UGT2B17: variants seen among roughly 807,000 people sequenced by gnomAD.
UGT2B17 encodes the protein UDP-glucuronosyltransferase 2B17.
In UGT2B17, 21 loss-of-function variants were observed where a neutral mutation model predicts 48.2. The observed-to-expected ratio is 0.44, with a 90% CI of 0.31 to 0.63. The LOEUF (loss-of-function observed/expected upper bound fraction) is 0.63. Ranked by LOEUF, UGT2B17 falls within the 20% of genes least tolerant of loss-of-function variation. The pLI is 0.08. For synonymous variants in UGT2B17, 146 were observed against 238.4 expected (o/e 0.61, Z 3.57); for missense variants, 402 against 696.1 (o/e 0.58, Z 4.75).
chr4:68,573,017 G>T (rs1209112699), intron 1 of UGT2B17, among the ~76,000 whole-genome samples: 1 of 127,278 alleles, frequency 7.9e-6, no homozygotes, highest in African/African-American at 2.7e-5. Context: ...GTTATGTGGG[G>T]ATTTTCACAA....
chr4:68,568,921 G>A (rs139123552), intron 1 of UGT2B17, among the ~76,000 whole-genome samples: 9,179 of 133,382 alleles, frequency 0.069, 721 homozygotes, highest in East Asian at 0.35. Context: ...TATATTCACA[G>A]AATTTTACTT....
chr4:68,565,097 T>C (rs141826156), intron 3 of UGT2B17, among the ~76,000 whole-genome samples: 5,594 of 125,870 alleles, frequency 0.044, 1,233 homozygotes, highest in African/African-American at 0.14. Context: ...GTCAATGAGT[T>C]TGGGATCTCT....
chr4:68,541,019 C>T (rs1177084802), intron 6 of UGT2B17, among the ~76,000 whole-genome samples: 1 of 125,434 alleles, frequency 8.0e-6, no homozygotes, highest in African/African-American at 2.7e-5. Context: ...ACTGTACATG[C>T]ATCATATTTT....
chr4:68,548,138 A>C (rs7655710), intron 6 of UGT2B17, among the ~76,000 whole-genome samples: 11,334 of 126,046 alleles, frequency 0.09, 3,168 homozygotes, highest in East Asian at 0.3. Flanking sequence ...ATGTTTATGG[A>C]GGCACTATTC....
chr4:68,538,941 T>G lies in UGT2B17; in HGVS notation c.1314-1037A>C, dbSNP rs1380478850. On this transcript the variant is annotated intron_variant, in intron 6 of 6. Coordinates refer to ENST00000317746, the MANE Select transcript of UGT2B17 (RefSeq NM_001077.4). ...CTTGCAACTACTTGAGGTTTGCTTCTATTTCTTTTTGAGGCTTCCCCTTAA... is the reference window on the plus strand; with the variant it reads ...CTTGCAACTACTTGAGGTTTGCTTCGATTTCTTTTTGAGGCTTCCCCTTAA... Among the ~76,000 whole-genome samples the G allele has an allele frequency of 1.6e-5, 2 of 126,168 alleles. 1 individual carries two copies. The highest frequency in any genetic ancestry group is 3.4e-5 in the Non-Finnish European group (2 of 59,652). 82.8% of individuals were successfully genotyped at this position (126,168 alleles called of 152,430 possible). A position where few individuals can be genotyped will look rare whatever the true frequency, so the allele number is the denominator to read the frequency against.
At chr4:68,555,398 C>A (rs1320814656) in intron 4 of UGT2B17, among the ~76,000 whole-genome samples, 1 of 126,104 alleles carries the variant, frequency 7.9e-6, no homozygotes, top group African/African-American at 2.7e-5. Context: ...GCAATCTAGT[C>A]CACAGGCATT....
rs1179535391 is a variant in UGT2B17, at chr4:68,539,402, A to C, written c.1314-1498T>G. Reference sequence around the variant, plus strand: ...TATTCAGTTGATTGACAAAGACCACAGATCTCTTCATTTATGATTAATGGA... The same window carrying C: ...TATTCAGTTGATTGACAAAGACCACCGATCTCTTCATTTATGATTAATGGA... On this transcript the variant is annotated intron_variant, in intron 6 of 6. Coordinates refer to ENST00000317746, the MANE Select transcript of UGT2B17 (RefSeq NM_001077.4). 1.6e-5 allele frequency among the ~76,000 whole-genome samples: 2 copies of C among 125,586 alleles called. 1 individual carries two copies. The highest frequency in any genetic ancestry group is 3.4e-5 in the Non-Finnish European group (2 of 59,578). The allele number at this position is 125,586 out of a possible 152,430, so 82.4% of individuals were successfully genotyped here. A position where few individuals can be genotyped will look rare whatever the true frequency, so the allele number is the denominator to read the frequency against.
Position 68,565,552 on chromosome 4 carries a change from T to C in UGT2B17, c.873+20A>G, listed in dbSNP as rs756244702. On this transcript the variant is annotated intron_variant, in intron 3 of 6. Transcript: ENST00000317746. The stretch of plus-strand genomic sequence containing the variant: ...CTTCTGAAAATGTCAAGCAAACAAA[T>C]GAAACAAGAATATGTTCACCTTAGG... 3.0e-6 allele frequency: 4 copies of C among 1,350,162 alleles called. 1 individual carries two copies. Among genetic ancestry groups the C allele is most frequent in the Non-Finnish European group, 3.8e-6 (4 of 1,041,512 alleles). The allele number at this position is 1,350,162 out of a possible 1,614,324, so 83.6% of individuals were successfully genotyped here. A position where few individuals can be genotyped will look rare whatever the true frequency, so the allele number is the denominator to read the frequency against.
rs184250635 is a variant in UGT2B17 at position 68,567,553 on chromosome 4, G to C, written c.724+208C>G. ...TACATTGAAGGTTTATGACTCTCTT[G>C]GTGTCCTATAGCAGTGATGGCACCA... On this transcript the variant is annotated intron_variant, in intron 2 of 6. Coordinates refer to ENST00000317746, the MANE Select transcript of UGT2B17 (RefSeq NM_001077.4). Among the ~76,000 whole-genome samples the C allele has an allele frequency of 6.4e-5, 8 of 124,826 alleles. 4 individuals are homozygous for C. The East Asian group carries it at 6.2e-3, about 97-fold the overall frequency. 81.9% of individuals were successfully genotyped at this position (124,826 alleles called of 152,430 possible). A position where few individuals can be genotyped will look rare whatever the true frequency, so the allele number is the denominator to read the frequency against.
chr4:68,537,739 A>T lies in UGT2B17; in HGVS notation c.1479T>A (p.Asp493Glu). The T allele has an allele frequency of 7.2e-7, 1 of 1,379,644 alleles. No individual in the cohort carries two copies. Among genetic ancestry groups the T allele is most frequent in the Non-Finnish European group, 9.5e-7 (1 of 1,055,020 alleles). 85.5% of individuals were successfully genotyped at this position (1,379,644 alleles called of 1,614,324 possible). A position where few individuals can be genotyped will look rare whatever the true frequency, so the allele number is the denominator to read the frequency against. ...CGCAGGCCAGCAGGAATGCTATCAC[A>T]TCCAAAGAGTGGTACTGGATCCAGG... ...NLTWIQYHSLDVIAFLLACVA... is the reference protein window; with the variant it reads ...NLTWIQYHSLEVIAFLLACVA... The change falls in exon 7 of 7, where the codon GAT (aspartate) becomes GAA (glutamate). Residue 493 changes from aspartate to glutamate, a missense_variant. Coordinates refer to ENST00000317746, the MANE Select transcript of UGT2B17 (RefSeq NM_001077.4).
At chr4:68,546,002 G>A (rs78228954) in intron 6 of UGT2B17, among the ~76,000 whole-genome samples, 1,608 of 125,662 alleles carry the variant, frequency 0.013, 321 homozygotes, top group African/African-American at 0.041. Flanking sequence ...GGTACAAGGA[G>A]GAGCTGGTAC....
Position 68,540,011 on chromosome 4 carries a change from C to T in UGT2B17, c.1314-2107G>A, listed in dbSNP as rs1415357655. On this transcript the variant is annotated intron_variant, in intron 6 of 6. Transcript: ENST00000317746. ...ATGTTGGCCAGGCTGGTCTCGAACTCCTGACCAAATGTGATCCTCCCACCT... is the reference window on the plus strand; with the variant it reads ...ATGTTGGCCAGGCTGGTCTCGAACTTCTGACCAAATGTGATCCTCCCACCT... Among the ~76,000 whole-genome samples the T allele has an allele frequency of 1.6e-5, 2 of 122,994 alleles. 1 individual carries two copies. The highest frequency in any genetic ancestry group is 5.6e-5 in the African/African-American group (2 of 35,914). 80.7% of individuals were successfully genotyped at this position (122,994 alleles called of 152,430 possible). A position where few individuals can be genotyped will look rare whatever the true frequency, so the allele number is the denominator to read the frequency against.
chr4:68,542,751 G>A lies in UGT2B17; in HGVS notation c.1314-4847C>T, dbSNP rs533653737. On this transcript the variant is annotated intron_variant, in intron 6 of 6. Coordinates refer to ENST00000317746, the MANE Select transcript of UGT2B17 (RefSeq NM_001077.4). Reference sequence around the variant, plus strand: ...TGGGTTACTCCCACCCTAATACTGCGCTTTTCCAAAAGGTTTTAGCAAACG... The same window carrying A: ...TGGGTTACTCCCACCCTAATACTGCACTTTTCCAAAAGGTTTTAGCAAACG... 1.5e-4 allele frequency among the ~76,000 whole-genome samples: 19 copies of A among 127,070 alleles called. 6 individuals are homozygous for A. The highest frequency in any genetic ancestry group is 1.9e-4 in the African/African-American group (7 of 37,204). The allele number at this position is 127,070 out of a possible 152,430, so 83.4% of individuals were successfully genotyped here.
chr4:68,569,170 A>C (rs1731260409), intron 1 of UGT2B17, among the ~76,000 whole-genome samples: 1 of 123,842 alleles, frequency 8.1e-6, no homozygotes, highest in African/African-American at 2.8e-5. Context: ...TTGCATTGTG[A>C]ATTTTAGCTG....
chr4:68,568,031 C>T lies in UGT2B17; in HGVS notation c.454G>A (p.Asp152Asn). ...QESKFDVLLA[D>N]AVNPCGELLA... is the part of the protein sequence containing the mutation. ...AGCTCACCACAGGGATTAACGGCATCTGCCAGAAGGACATCAAATTTTGAC... is the reference window on the plus strand; with the variant it reads ...AGCTCACCACAGGGATTAACGGCATTTGCCAGAAGGACATCAAATTTTGAC... The change falls in exon 2 of 7, where the codon GAT becomes AAT. Residue 152 changes from aspartate (D) to asparagine (N), a missense_variant. Asp to Asn is a conservative substitution (Grantham distance 23). Around this residue, in one of 5 missense-constraint regions of UGT2B17, gnomAD observed 84 missense variants for 92.6 expected, o/e 0.91. Coordinates refer to ENST00000317746, the MANE Select transcript of UGT2B17 (RefSeq NM_001077.4). 1 of 1,382,546 alleles carries T rather than the reference C, an allele frequency of 7.2e-7. No individual in the cohort carries two copies. The highest frequency in any genetic ancestry group is 1.5e-5 in the African/African-American group (1 of 67,910). 85.6% of individuals were successfully genotyped at this position (1,382,546 alleles called of 1,614,324 possible). A position where few individuals can be genotyped will look rare whatever the true frequency, so the allele number is the denominator to read the frequency against.
rs1450119140 is a variant in UGT2B17 at position 68,540,007 on chromosome 4, A to C, written c.1314-2103T>G. ...CACCATGTTGGCCAGGCTGGTCTCG[A>C]ACTCCTGACCAAATGTGATCCTCCC... On this transcript the variant is annotated intron_variant, in intron 6 of 6. Coordinates refer to ENST00000317746, the MANE Select transcript of UGT2B17 (RefSeq NM_001077.4). Among the ~76,000 whole-genome samples, 3 of 122,628 alleles carry C rather than the reference A, an allele frequency of 2.4e-5. 1 individual carries two copies. Among genetic ancestry groups the C allele is most frequent in the Non-Finnish European group, 5.1e-5 (3 of 58,612 alleles). 80.4% of individuals were successfully genotyped at this position (122,628 alleles called of 152,430 possible). A position where few individuals can be genotyped will look rare whatever the true frequency, so the allele number is the denominator to read the frequency against.
rs1217011786 is a variant in UGT2B17 at position 68,545,262 on chromosome 4, T to A, written c.1313+5415A>T. On this transcript the variant is annotated intron_variant, in intron 6 of 6. Transcript: ENST00000317746. The stretch of plus-strand genomic sequence containing the variant: ...GTGCAATCAAACTAGAACTCAGGAT[T>A]AAGAAACTCACTCAAAACTGTTCAA... Among the ~76,000 whole-genome samples the A allele has an allele frequency of 4.7e-5, 6 of 126,350 alleles. 2 individuals are homozygous for A. Among genetic ancestry groups the A allele is most frequent in the Non-Finnish European group, 1.0e-4 (6 of 59,644 alleles). 82.9% of individuals were successfully genotyped at this position (126,350 alleles called of 152,430 possible). A position where few individuals can be genotyped will look rare whatever the true frequency, so the allele number is the denominator to read the frequency against.
At chr4:68,538,103 A>G (rs1192164437) in intron 6 of UGT2B17, among the ~76,000 whole-genome samples, 199 bp from the exon 7 acceptor site, 1 of 126,346 alleles carries the variant, frequency 7.9e-6, no homozygotes, top group Non-Finnish European at 1.7e-5. Flanking sequence ...ACTGACAAAT[A>G]CCTTTAAAAA....
At position 68,547,792 on chromosome 4, in the gene UGT2B17, A is replaced by G. The variant is rs1486701195; in HGVS notation, c.1313+2885T>C. On this transcript the variant is annotated intron_variant, in intron 6 of 6. Transcript: ENST00000317746. ...AAATGAACAGACACTTCTCAAAAGA[A>G]GACATTTAGGCAGCCAAAAGACATA... Among the ~76,000 whole-genome samples the G allele has an allele frequency of 1.6e-5, 2 of 127,150 alleles. 1 individual carries two copies. Among genetic ancestry groups the G allele is most frequent in the Non-Finnish European group, 3.3e-5 (2 of 59,848 alleles). 83.4% of individuals were successfully genotyped at this position (127,150 alleles called of 152,430 possible). A position where few individuals can be genotyped will look rare whatever the true frequency, so the allele number is the denominator to read the frequency against.
Sources: gnomAD v4.1 joint callset for allele counts (sites outside exome capture counted in the v4.1 genomes callset) on GRCh38, gnomAD v4.1.1 for gene constraint, gnomAD v4.1.1 regional missense constraint, MANE v1.5 for transcripts, NCBI Gene and HGNC (gene_info 2026-07-23, HGNC 2026-07-21) for gene names.